AASDH: variants seen among roughly 807,000 people sequenced by gnomAD.
AASDH encodes aminoadipate-semialdehyde dehydrogenase, also known as beta-alanine-activating enzyme.
Under a neutral mutation model 102.3 loss-of-function variants are expected in AASDH, and 81 were observed. The observed-to-expected ratio is 0.79, with a 90% CI of 0.66 to 0.95. AASDH has a LOEUF of 0.95. Ranked by LOEUF, AASDH falls within the 40% of genes least tolerant of loss-of-function variation. The pLI is 0.00. For synonymous variants in AASDH, 398 were observed against 454.0 expected (o/e 0.88, Z 1.57); for missense variants, 1,203 against 1,266.2 (o/e 0.95, Z 0.76).
At chr4:56,355,454 T>C (rs1298598601) in intron 5 of AASDH, 31 bp from the exon 6 acceptor site, 4 of 1,578,658 alleles carry the variant, frequency 2.5e-6, no homozygotes, top group African/African-American at 2.7e-5. Flanking sequence ...ATTTATTTAT[T>C]TTCCTTCACT....
Position 56,340,319 on chromosome 4 carries a change from G to A in AASDH, c.2908-1528C>T, listed in dbSNP as rs76110146. On this transcript the variant is annotated intron_variant, in intron 14 of 14. Coordinates refer to ENST00000205214, the MANE Select transcript of AASDH (RefSeq NM_181806.4). ...ATTTAGCCAAAATGGCACTGTATTG[G>A]TATAAAAATAGATCAATGTAATAGA... Among the ~76,000 whole-genome samples the A allele has an allele frequency of 1.0e-2, 1,520 of 152,286 alleles. 32 individuals carry two copies. The highest frequency in any genetic ancestry group is 0.035 in the African/African-American group (1,442 of 41,548).
intron 6 of AASDH, among the ~76,000 whole-genome samples, 159 bp from the exon 7 acceptor site, chr4:56,354,970 T>C (rs1749425837): frequency 6.6e-6 from 1 of 152,232 alleles, no homozygotes; most frequent in Admixed American, 6.5e-5. Context: ...AAGGTAACCA[T>C]ATATGTTATT....
chr4:56,350,600 C>A (rs1577977029), intron 10 of AASDH, among the ~76,000 whole-genome samples: 1 of 151,918 alleles, frequency 6.6e-6, no homozygotes, highest in South Asian at 2.1e-4. Flanking sequence ...ACAAAATATA[C>A]TTCCCTTTAG....
At chr4:56,341,630 T>C (rs1280339561) in intron 14 of AASDH, among the ~76,000 whole-genome samples, 1 of 150,384 alleles carries the variant, frequency 6.6e-6, no homozygotes, top group Non-Finnish European at 1.5e-5. Flanking sequence ...CTCGATCTCC[T>C]GACTCTGTGA....
At chr4:56,353,211 G>A (rs1261475412) in intron 9 of AASDH, among the ~76,000 whole-genome samples, 193 bp downstream of exon 9, 1 of 151,888 alleles carries the variant, frequency 6.6e-6, no homozygotes, top group African/African-American at 2.4e-5. Context: ...TCTGTAAATA[G>A]GAATAATACC....
At chr4:56,338,889 T>C (rs901890844) in intron 14 of AASDH, 98 bp from the exon 15 acceptor site, 11 of 1,222,666 alleles carry the variant, frequency 9.0e-6, no homozygotes, top group African/African-American at 1.5e-5. Flanking sequence ...CTAAGAGATA[T>C]AGGCTATTTG....
Position 56,349,439 on chromosome 4 carries a change from G to A in AASDH, c.2312C>T (p.Pro771Leu), listed in dbSNP as rs779847504. 1.8e-5 allele frequency: 29 copies of A among 1,613,736 alleles called. No individual in the cohort carries two copies. The highest frequency in any genetic ancestry group is 2.2e-5 in the East Asian group (1 of 44,878). The change falls in exon 11 of 15, where the codon CCG (proline) becomes CTG (leucine). Residue 771 changes from proline to leucine, a missense_variant. Pro to Leu is a moderately conservative substitution (Grantham distance 98). Coordinates refer to ENST00000205214, the MANE Select transcript of AASDH (RefSeq NM_181806.4). ...ATCAAAAGTGGGTATTACAACCAGC[G>A]GTGAAGCATCTACACATTTGCCTGT... The part of the protein sequence containing the change: ...SDTGKCVDAS[P>L]LVVIPTFDKS...
At chr4:56,358,833 G>A (rs1189079077) in intron 5 of AASDH, among the ~76,000 whole-genome samples, 2 of 152,104 alleles carry the variant, frequency 1.3e-5, no homozygotes, top group African/African-American at 4.8e-5. Context: ...GCATTTGGTT[G>A]ATAATGTTGT....
chr4:56,340,467 C>T (rs1051057320), intron 14 of AASDH, among the ~76,000 whole-genome samples: 2 of 152,262 alleles, frequency 1.3e-5, no homozygotes, highest in Admixed American at 6.5e-5. Context: ...AATTGGAGCT[C>T]TCTCTACATG....
intron 14 of AASDH, 30 bp downstream of exon 14, chr4:56,342,805 G>T: frequency 5.0e-6 from 5 of 1,003,510 alleles, no homozygotes; most frequent in Non-Finnish European, 6.4e-6. Context: ...ATATAAAAAT[G>T]TATATATAAA....
Position 56,355,378 on chromosome 4 carries a change from A to G in AASDH, c.907T>C (p.Ser303Pro), listed in dbSNP as rs750878983. ...GAAGTAGTGGCTGACAAAACAGTTG[A>G]CTTGATAAGCTGAGATCCAAATCTT... Reference protein sequence around the residue: ...LRRFGSQLIKSTVLSATTSLR... With the variant: ...LRRFGSQLIKPTVLSATTSLR... Residue 303 changes from serine to proline, a missense_variant, in exon 6 of 15, where the codon TCA becomes CCA. Coordinates refer to ENST00000205214, the MANE Select transcript of AASDH (RefSeq NM_181806.4). 4 of 1,614,088 alleles carry G rather than the reference A, an allele frequency of 2.5e-6. No homozygotes were observed. In the South Asian group the frequency reaches 4.4e-5, roughly 18 times the overall value.
chr4:56,375,329 G>A (rs960374114), intron 4 of AASDH, among the ~76,000 whole-genome samples: 13 of 152,084 alleles, frequency 8.5e-5, no homozygotes, highest in Non-Finnish European at 1.5e-5. Context: ...TCTAATATGT[G>A]TCTGAAATTT....
At chr4:56,381,649 T>TCTCTCACACACACACACACACACACA (rs3223650) in intron 3 of AASDH, 78 of 142,370 alleles carry the variant, frequency 5.5e-4, no homozygotes, top group African/African-American at 2.0e-3. Flanking sequence ...TTGACACTTC[T>TCTCTCACACACACACACACACACACA]CACACACACA....
intron 10 of AASDH, among the ~76,000 whole-genome samples, chr4:56,350,821 ATTACATCCTCT>A (rs1173802832): frequency 1.3e-5 from 2 of 152,176 alleles, no homozygotes; most frequent in Non-Finnish European, 2.9e-5. Context: ...AGGCTACACA[ATTACATCCTCT>A]TTTCAGAACC....
At chr4:56,365,975 A>T (rs550940476) in intron 5 of AASDH, among the ~76,000 whole-genome samples, 1 of 152,336 alleles carries the variant, frequency 6.6e-6, no homozygotes, top group South Asian at 2.1e-4. Flanking sequence ...ACTGCTAGCA[A>T]GACTAATAAA....
At chr4:56,351,164 T>G (rs1286567707) in intron 10 of AASDH, among the ~76,000 whole-genome samples, 178 bp downstream of exon 10, 1 of 152,210 alleles carries the variant, frequency 6.6e-6, no homozygotes, top group Non-Finnish European at 1.5e-5. Flanking sequence ...TCTAGTCTTA[T>G]AGTAGAGAAT....
chr4:56,371,322 ACGG>A, intron 5 of AASDH, 126 bp downstream of exon 5: 1 of 900,624 alleles, frequency 1.1e-6, no homozygotes, highest in Non-Finnish European at 1.6e-6. Context: ...TCCTGAGGAG[ACGG>A]CCCTTGATAA....
intron 5 of AASDH, among the ~76,000 whole-genome samples, chr4:56,368,398 T>C (rs1258170776): frequency 1.3e-5 from 2 of 152,178 alleles, no homozygotes; most frequent in Non-Finnish European, 2.9e-5. Flanking sequence ...TAAATCATGC[T>C]GCTATAAAGA....
intron 7 of AASDH, 144 bp from the exon 8 acceptor site, chr4:56,354,355 A>T: frequency 4.7e-6 from 3 of 638,354 alleles, no homozygotes; most frequent in Non-Finnish European, 7.2e-6. Flanking sequence ...GTTATCTGAT[A>T]AAATCAGACA....
Sources: gnomAD v4.1 joint callset for allele counts (sites outside exome capture counted in the v4.1 genomes callset) on GRCh38, gnomAD v4.1.1 for gene constraint, MANE v1.5 for transcripts, NCBI Gene and HGNC (gene_info 2026-07-23, HGNC 2026-07-21) for gene names.